Variants in NKAIN2 observed in about 807,000 individuals in gnomAD.
NKAIN2 encodes sodium/potassium transporting ATPase interacting 2, also known as sodium/potassium-transporting ATPase subunit beta-1-interacting protein 2.
A neutral mutation model predicts 32.6 loss-of-function variants in NKAIN2; 14 were observed. The observed-to-expected ratio is 0.43, with a 90% CI of 0.28 to 0.67. The LOEUF (loss-of-function observed/expected upper bound fraction) is 0.67. NKAIN2 is among the 30% of genes least tolerant of loss of function. The probability of loss-of-function intolerance (pLI) is 0.17; values close to 1 mark genes in which losing one functional copy is unlikely to be tolerated. For missense variants in NKAIN2, 198 were observed against 258.3 expected (o/e 0.77, Z 1.60); for synonymous variants, 80 against 87.2 (o/e 0.92, Z 0.46).
At chr6:123,808,447 G>A (rs935252883) in intron 1 of NKAIN2, among the ~76,000 whole-genome samples, 1 of 152,132 alleles carries the variant, frequency 6.6e-6, no homozygotes, top group Non-Finnish European at 1.5e-5. Context: ...TTCTATTTAT[G>A]CATCCTGAAT....
chr6:124,489,146 T>C (rs1777765089), intron 3 of NKAIN2, among the ~76,000 whole-genome samples: 1 of 151,878 alleles, frequency 6.6e-6, no homozygotes, highest in African/African-American at 2.4e-5. Flanking sequence ...AATACAAAAT[T>C]AATGTAAGAG....
chr6:124,725,356 G>T (rs1225699211), intron 4 of NKAIN2, among the ~76,000 whole-genome samples: 1 of 151,872 alleles, frequency 6.6e-6, no homozygotes, highest in Non-Finnish European at 1.5e-5. Flanking sequence ...CTCCCACCTT[G>T]GCCTCCCAAA....
chr6:124,335,282 G>C (rs1354668070), intron 2 of NKAIN2, among the ~76,000 whole-genome samples: 1 of 152,206 alleles, frequency 6.6e-6, no homozygotes, highest in African/African-American at 2.4e-5. Context: ...CAAAAGGAAT[G>C]AGGATTTCTT....
chr6:124,769,686 C>A (rs1778666107), intron 4 of NKAIN2, among the ~76,000 whole-genome samples: 1 of 152,176 alleles, frequency 6.6e-6, no homozygotes, highest in Non-Finnish European at 1.5e-5. Context: ...AGTAGAGGCA[C>A]ATCAGTCGGT....
intron 4 of NKAIN2, among the ~76,000 whole-genome samples, chr6:124,741,291 AT>A: frequency 6.6e-6 from 1 of 151,782 alleles, no homozygotes; most frequent in East Asian, 2.0e-4. Context: ...GAAATTTGGG[AT>A]TCATTAATAT....
chr6:123,882,217 G>A (rs1773487269), intron 1 of NKAIN2, among the ~76,000 whole-genome samples: 1 of 151,916 alleles, frequency 6.6e-6, no homozygotes, highest in Non-Finnish European at 1.5e-5. Flanking sequence ...ATATGTATAT[G>A]TAGTCATAAC....
At chr6:124,762,137 C>T (rs1211270652) in intron 4 of NKAIN2, among the ~76,000 whole-genome samples, 1 of 152,134 alleles carries the variant, frequency 6.6e-6, no homozygotes, top group Non-Finnish European at 1.5e-5. Context: ...TTTATTTTCT[C>T]ATAGTTCTGG....
rs376474418 is a variant in NKAIN2 at position 124,481,878 on chromosome 6, T to TA, written c.273+126538dup. ...CGTGTTTTTGGCAGGCGAGGGGGAATAAAAAAATCATAGCTATTGCAATGG... is the reference window on the plus strand; with the variant it reads ...CGTGTTTTTGGCAGGCGAGGGGGAATAAAAAAAATCATAGCTATTGCAATGG... On this transcript the variant is annotated intron_variant, in intron 3 of 6. Transcript: ENST00000368417. 4.1e-4 allele frequency among the ~76,000 whole-genome samples: 62 copies of TA among 152,084 alleles called. No homozygotes were observed. The Middle Eastern group carries it at 0.01, about 25-fold the overall frequency.
At chr6:124,556,365 G>A (rs1780476106) in intron 3 of NKAIN2, among the ~76,000 whole-genome samples, 1 of 152,208 alleles carries the variant, frequency 6.6e-6, no homozygotes, top group African/African-American at 2.4e-5. Flanking sequence ...TTGCCATTGT[G>A]ATGGTATTAA....
chr6:123,834,558 A>G (rs1046615467), intron 1 of NKAIN2, among the ~76,000 whole-genome samples: 1 of 152,152 alleles, frequency 6.6e-6, no homozygotes, highest in Non-Finnish European at 1.5e-5. Flanking sequence ...TGTGTATTTT[A>G]ATTCATTTTC....
chr6:124,197,472 G>A lies in NKAIN2; in HGVS notation c.55-85533G>A, dbSNP rs186184025. ...TCCAATGAATTCAAGAAAAGTTATC[G>A]TTTTATAGATTATTTGGTCTATTTT... On this transcript the variant is annotated intron_variant, in intron 1 of 6. Transcript: ENST00000368417. 1.8e-4 allele frequency among the ~76,000 whole-genome samples: 27 copies of A among 152,112 alleles called. No individual in the cohort carries two copies. The East Asian group carries it at 3.9e-3, about 22-fold the overall frequency.
At chr6:124,597,730 A>G (rs1203220108) in intron 3 of NKAIN2, among the ~76,000 whole-genome samples, 1 of 152,160 alleles carries the variant, frequency 6.6e-6, no homozygotes, top group East Asian at 1.9e-4. Context: ...GAGGAAAATT[A>G]TAGAATTCAA....
At position 124,510,602 on chromosome 6, in the gene NKAIN2, C is replaced by T. The variant is rs575036214; in HGVS notation, c.274-147584C>T. On this transcript the variant is annotated intron_variant, in intron 3 of 6. Transcript: ENST00000368417. ...ACAGTTGAAAGGCCTGTATCATAAG[C>T]AATCTGGTTCACAGTTAGGCGTTTA... 5.3e-4 allele frequency among the ~76,000 whole-genome samples: 80 copies of T among 152,254 alleles called. 1 individual carries two copies. The highest frequency in any genetic ancestry group is 1.9e-3 in the African/African-American group (78 of 41,574).
chr6:124,113,746 C>G lies in NKAIN2; in HGVS notation c.55-169259C>G, dbSNP rs1785489733. On this transcript the variant is annotated intron_variant, in intron 1 of 6. Coordinates refer to ENST00000368417, the MANE Select transcript of NKAIN2 (RefSeq NM_001040214.3). ...CTGATCTTAGGGAACCACACTGAGA[C>G]AAGGGTGTCTGGTGAGAGGGTGTTT... 2.0e-5 allele frequency among the ~76,000 whole-genome samples: 3 copies of G among 152,130 alleles called. No homozygotes were observed. In the South Asian group the frequency reaches 6.2e-4, roughly 32 times the overall value.
At chr6:123,983,056 A>G (rs1184972860) in intron 1 of NKAIN2, among the ~76,000 whole-genome samples, 1 of 136,624 alleles carries the variant, frequency 7.3e-6, no homozygotes. Flanking sequence ...GGGAGTGAGG[A>G]AGAGAGTGGA....
intron 2 of NKAIN2, among the ~76,000 whole-genome samples, chr6:124,354,685 C>A (rs1259145879): frequency 6.6e-6 from 1 of 152,024 alleles, no homozygotes; most frequent in Non-Finnish European, 1.5e-5. Flanking sequence ...TGGGTTGTAT[C>A]AGACATATAT....
chr6:124,197,527 A>G (rs1790373235), intron 1 of NKAIN2, among the ~76,000 whole-genome samples: 1 of 152,164 alleles, frequency 6.6e-6, no homozygotes, highest in Non-Finnish European at 1.5e-5. Flanking sequence ...ACACTAATAG[A>G]AGCTTTCTAT....
At chr6:124,802,367 A>T (rs1780298726) in intron 5 of NKAIN2, among the ~76,000 whole-genome samples, 1 of 152,164 alleles carries the variant, frequency 6.6e-6, no homozygotes, top group Non-Finnish European at 1.5e-5. Flanking sequence ...TTCCAATTTC[A>T]TCTGAAAGAC....
intron 2 of NKAIN2, among the ~76,000 whole-genome samples, chr6:124,316,027 A>G (rs148979369): frequency 6.6e-6 from 1 of 152,220 alleles, no homozygotes; most frequent in Non-Finnish European, 1.5e-5. Flanking sequence ...GTTCATGAGT[A>G]AAAAATACAA....
Sources: allele counts gnomAD v4.1 joint callset (sites outside exome capture counted in the v4.1 genomes callset), GRCh38; gene constraint gnomAD v4.1.1; transcripts MANE v1.5; gene names NCBI Gene and HGNC (gene_info 2026-07-23, HGNC 2026-07-21).